Variants in FOXN4 observed in about 807,000 individuals in gnomAD.
The protein encoded by FOXN4 is forkhead box N4.
In FOXN4, 12 loss-of-function variants were observed where a neutral mutation model predicts 45.0. That is an observed-to-expected ratio of 0.27 (90% CI 0.17 to 0.43). The LOEUF is 0.43. Among genes scored for constraint, FOXN4 ranks in the 20% least tolerant of loss-of-function variants. FOXN4 has a pLI of 1.00. For synonymous variants in FOXN4, 297 were observed against 295.0 expected (o/e 1.01, Z -0.07); for missense variants, 560 against 694.9 (o/e 0.81, Z 2.18).
Position 109,287,322 on chromosome 12 carries a change from G to A in FOXN4, c.596+75C>T, listed in dbSNP as rs920473932. 6 of 1,528,474 alleles carry A rather than the reference G, an allele frequency of 3.9e-6. No individual in the cohort carries two copies. In the East Asian group the frequency reaches 7.4e-5, roughly 19 times the overall value. The allele number at this position is 1,528,474 out of a possible 1,614,324, so 94.7% of individuals were successfully genotyped here. On this transcript the variant is annotated intron_variant, in intron 6 of 9. Coordinates refer to ENST00000299162, the MANE Select transcript of FOXN4 (RefSeq NM_213596.3). The surrounding 1 kb of genome is among the most constrained non-coding windows in gnomAD (Gnocchi z 4.1). The stretch of plus-strand genomic sequence containing the variant: ...CTGGGCTGCCACACTAGCTGTCTGA[G>A]ATGCCCTGAGGGCAGCCTCATCCCT...
In FOXN4 at chr12:109,287,764, CTG is replaced by C. The variant is rs1377481480; in HGVS notation, c.468+78_468+79del. ...TATCCCCATGTGCTGGGTGAGTAAA[CTG>C]AGGCTCAGAGGGGTCCCCGGCCAGC... On this transcript the variant is annotated intron_variant, in intron 5 of 9. Transcript: ENST00000299162. This position sits in a 1 kb window ranked among gnomAD's most constrained non-coding sequence, Gnocchi z 4.1. 13 of 1,329,148 alleles carry C rather than the reference CTG, an allele frequency of 9.8e-6. No individual in the cohort carries two copies. Among genetic ancestry groups the C allele is most frequent in the South Asian group, 8.7e-5 (6 of 68,958 alleles). The allele number at this position is 1,329,148 out of a possible 1,614,324, so 82.3% of individuals were successfully genotyped here.
At chr12:109,300,298 A>G (rs1477692804) in intron 2 of FOXN4, among the ~76,000 whole-genome samples, 2 of 152,090 alleles carry the variant, frequency 1.3e-5, no homozygotes, top group African/African-American at 4.8e-5. Context: ...ATCCAAGGAG[A>G]TAACTTTCTG....
rs1555241968 is a variant in FOXN4, at chr12:109,285,274, T to TGC, written c.901+28_901+29dup. The stretch of plus-strand genomic sequence containing the variant: ...GTGTGTGTGTGTGTGTGTGTGTGTG[T>TGC]GCGCGCACTGCGGGCTGTCCGGCCC... On this transcript the variant is annotated intron_variant, in intron 8 of 9. Coordinates refer to ENST00000299162, the MANE Select transcript of FOXN4 (RefSeq NM_213596.3). The TGC allele has an allele frequency of 1.5e-3, 2,232 of 1,538,528 alleles. 33 individuals carry two copies. In the African/African-American group the frequency reaches 0.016, roughly 11 times the overall value.
rs1346372407 is a variant in FOXN4 at position 109,286,521 on chromosome 12, C to T, written c.693+127G>A. 5.8e-6 allele frequency: 5 copies of T among 868,386 alleles called. No individual in the cohort carries two copies. The Admixed American group carries it at 1.2e-4, about 20-fold the overall frequency. The allele number at this position is 868,386 out of a possible 1,614,324, so 53.8% of individuals were successfully genotyped here. On this transcript the variant is annotated intron_variant, in intron 7 of 9. Transcript: ENST00000299162. ...CTGTGTGAGTGTGTGTGCACATGTC[C>T]TAACCACCAGATGTACAGACATAAC...
chr12:109,291,250 T>G lies in FOXN4; in HGVS notation c.87-964A>C, dbSNP rs2047764985. 6.6e-6 allele frequency among the ~76,000 whole-genome samples: 1 copy of G among 151,820 alleles called. No individual in the cohort carries two copies. Among genetic ancestry groups the G allele is most frequent in the African/African-American group, 2.4e-5 (1 of 41,342 alleles). ...CTCCCCAGTGCCCTCAAGTCACACT[T>G]GCCACGCGACTCCGAGAGCATCGGG... is the stretch of plus-strand genomic sequence containing the variant. On this transcript the variant is annotated intron_variant, in intron 2 of 9. Transcript: ENST00000299162. The surrounding 1 kb of genome is among the most constrained non-coding windows in gnomAD (Gnocchi z 6.6).
chr12:109,290,165 G>T lies in FOXN4; in HGVS notation c.208C>A (p.Pro70Thr). 2 of 1,550,656 alleles carry T rather than the reference G, an allele frequency of 1.3e-6. No homozygotes were observed. The highest frequency in any genetic ancestry group is 2.4e-5 in the East Asian group (1 of 40,882). ...MASGRVDLGG[P>T]CVPHPHPGAL... ...CCTGGGTGTGGATGTGGCACGCAGGGGCCACCCAGGTCCACGCGGCCACTT... is the reference window on the plus strand; with the variant it reads ...CCTGGGTGTGGATGTGGCACGCAGGTGCCACCCAGGTCCACGCGGCCACTT... The change falls in exon 3 of 10, where the codon CCC (proline) becomes ACC (threonine). Residue 70 changes from proline to threonine, a missense_variant. Physicochemically the swap from Pro to Thr is conservative, Grantham distance 38. Around this residue, in one of 5 missense-constraint regions of FOXN4, gnomAD observed 142 missense variants for 185.7 expected, o/e 0.76. Transcript: ENST00000299162. This position sits in a 1 kb window ranked among gnomAD's most constrained non-coding sequence, Gnocchi z 5.1.
intron 2 of FOXN4, among the ~76,000 whole-genome samples, chr12:109,297,775 G>T (rs994996407): frequency 1.3e-5 from 2 of 152,206 alleles, no homozygotes; most frequent in African/African-American, 4.8e-5. Context: ...TGAGACTGCT[G>T]CTCTATGATA....
At chr12:109,303,419 T>C (rs2136946589) in intron 2 of FOXN4, among the ~76,000 whole-genome samples, 1 of 152,352 alleles carries the variant, frequency 6.6e-6, no homozygotes, top group South Asian at 2.1e-4. Context: ...CCTCCCTGTG[T>C]TTCCATGGAT....
intron 2 of FOXN4, among the ~76,000 whole-genome samples, chr12:109,303,895 C>G (rs1273152349): frequency 6.6e-6 from 1 of 152,060 alleles, no homozygotes; most frequent in African/African-American, 2.4e-5. Context: ...ATGTCAGTAC[C>G]TGTCTCATGG....
Position 109,290,170 on chromosome 12 carries a change from C to G in FOXN4, c.203G>C (p.Gly68Ala). ...QQMASGRVDL[G>A]GPCVPHPHPG... ...GTGTGGATGTGGCACGCAGGGGCCA[C>G]CCAGGTCCACGCGGCCACTTGCCAT... Residue 68 changes from glycine (G) to alanine (A), a missense_variant, in exon 3 of 10, where the codon GGT becomes GCT. This residue lies in a region of FOXN4 where 142 missense variants were observed against 185.7 expected (regional missense o/e 0.76). Transcript: ENST00000299162. The surrounding 1 kb of genome is among the most constrained non-coding windows in gnomAD (Gnocchi z 5.1). The G allele has an allele frequency of 6.4e-7, 1 of 1,551,102 alleles. No homozygotes were observed.
intron 2 of FOXN4, among the ~76,000 whole-genome samples, chr12:109,303,828 T>C (rs1264726690): frequency 6.6e-6 from 1 of 152,166 alleles, no homozygotes; most frequent in East Asian, 1.9e-4. Context: ...CATAAATGTG[T>C]GCCTTTGAGC....
At chr12:109,293,288 T>C (rs2047786143) in intron 2 of FOXN4, among the ~76,000 whole-genome samples, 1 of 152,202 alleles carries the variant, frequency 6.6e-6, no homozygotes, top group Non-Finnish European at 1.5e-5. Context: ...TGCAGGTTCC[T>C]GCTACCCCGA....
Position 109,308,304 on chromosome 12 carries a change from G to C in FOXN4, c.18C>G (p.Thr6=), listed in dbSNP as rs2047938914. 1 of 1,551,522 alleles carries C rather than the reference G, an allele frequency of 6.4e-7. No homozygotes were observed. Among genetic ancestry groups the C allele is most frequent in the Non-Finnish European group, 8.7e-7 (1 of 1,146,884 alleles). Residue 6 remains threonine, a synonymous_variant, in exon 2 of 10, where the codon ACC becomes ACG. Coordinates refer to ENST00000299162, the MANE Select transcript of FOXN4 (RefSeq NM_213596.3). ...GAATAATTCCTGACATTATGGATGA[G>C]GTGTCACTTTCTATCATCTCCTTGG... MIESD[T]SSIMSGIIRN...
rs2047627427 is a variant in FOXN4, at chr12:109,278,838, C to T, written c.*833G>A. On this transcript the variant is annotated 3_prime_UTR_variant, in exon 10 of 10. Transcript: ENST00000299162. Reference sequence around the variant, plus strand: ...ACAGTATCAACAGTGCTTGCTGGTTCTAAAAAGTAGCCCCAGGCTGCCAAG... The same window carrying T: ...ACAGTATCAACAGTGCTTGCTGGTTTTAAAAAGTAGCCCCAGGCTGCCAAG... 2.0e-5 allele frequency: 3 copies of T among 152,126 alleles called. No individual in the cohort carries two copies. The highest frequency in any genetic ancestry group is 2.0e-4 in the Admixed American group (3 of 15,282). 9.4% of individuals were successfully genotyped at this position (152,126 alleles called of 1,614,324 possible).
intron 8 of FOXN4, among the ~76,000 whole-genome samples, chr12:109,284,570 TGC>T (rs1222878439): frequency 6.7e-6 from 1 of 149,852 alleles, no homozygotes; most frequent in Non-Finnish European, 1.5e-5. Context: ...TGTGTGTGCG[TGC>T]GTGTGTGTGT....
chr12:109,293,567 G>A (rs573498340), intron 2 of FOXN4, among the ~76,000 whole-genome samples: 6 of 152,226 alleles, frequency 3.9e-5, no homozygotes, highest in South Asian at 2.1e-4. Flanking sequence ...GCACGATCTC[G>A]GCTCACTGCA....
intron 2 of FOXN4, 119 bp downstream of exon 2, chr12:109,308,117 G>T: frequency 2.3e-6 from 2 of 853,230 alleles, no homozygotes; most frequent in Non-Finnish European, 3.5e-6. Flanking sequence ...CAGCTCTCCC[G>T]CAAAAATCAC....
At chr12:109,297,899 CG>C (rs2136938977) in intron 2 of FOXN4, among the ~76,000 whole-genome samples, 1 of 152,148 alleles carries the variant, frequency 6.6e-6, no homozygotes, top group Non-Finnish European at 1.5e-5. Flanking sequence ...CCATCAGCCA[CG>C]TTTGAAGTGC....
At chr12:109,299,857 C>T (rs141841159) in intron 2 of FOXN4, among the ~76,000 whole-genome samples, 23 of 152,140 alleles carry the variant, frequency 1.5e-4, no homozygotes, top group African/African-American at 5.5e-4. Flanking sequence ...ACATCCTAAG[C>T]CCATCCCAGC....
Sources: gnomAD v4.1 joint callset for allele counts (sites outside exome capture counted in the v4.1 genomes callset) on GRCh38, gnomAD v4.1.1 for gene constraint, gnomAD v4.1.1 regional missense constraint, Gnocchi (gnomAD v3.1) non-coding constraint, MANE v1.5 for transcripts, NCBI Gene and HGNC (gene_info 2026-07-23, HGNC 2026-07-21) for gene names.